Variants in L3MBTL4 observed in about 807,000 individuals in gnomAD.
L3MBTL4 encodes the protein L3MBTL histone methyl-lysine binding protein 4.
A neutral mutation model predicts 84.5 loss-of-function variants in L3MBTL4; 70 were observed. The ratio of observed to expected loss-of-function variants is 0.83; its 90% CI spans 0.68 to 1.01. L3MBTL4 has a LOEUF of 1.01. Ranked by LOEUF, L3MBTL4 falls within the 50% of genes least tolerant of loss-of-function variation. L3MBTL4 has a pLI of 0.00. For missense variants in L3MBTL4, 715 were observed against 754.8 expected (o/e 0.95, Z 0.62); for synonymous variants, 274 against 259.8 (o/e 1.05, Z -0.52).
chr18:6,036,649 GA>G (rs1398169436), intron 16 of L3MBTL4, among the ~76,000 whole-genome samples: 1 of 152,114 alleles, frequency 6.6e-6, no homozygotes, highest in African/African-American at 2.4e-5. Flanking sequence ...TCATTTGAAT[GA>G]GCCAAACTTT....
intron 13 of L3MBTL4, among the ~76,000 whole-genome samples, chr18:6,170,067 A>G (rs2043891028): frequency 6.6e-6 from 1 of 152,146 alleles, no homozygotes; most frequent in South Asian, 2.1e-4. Context: ...ATAATTATAA[A>G]TTCATGCGAT....
chr18:6,079,016 G>A (rs2057974778), intron 16 of L3MBTL4, among the ~76,000 whole-genome samples: 1 of 152,156 alleles, frequency 6.6e-6, no homozygotes, highest in Non-Finnish European at 1.5e-5. Context: ...GATCTGACAG[G>A]AGGCCGAGCT....
chr18:6,412,651 C>T (rs1343890367), intron 1 of L3MBTL4, among the ~76,000 whole-genome samples: 1 of 152,064 alleles, frequency 6.6e-6, no homozygotes, highest in African/African-American at 2.4e-5. Flanking sequence ...TCACCTCCTG[C>T]CTCTGCTCAG....
intron 16 of L3MBTL4, among the ~76,000 whole-genome samples, chr18:5,988,853 C>T (rs571391047): frequency 3.9e-4 from 59 of 152,258 alleles, no homozygotes; most frequent in Non-Finnish European, 7.6e-4. Flanking sequence ...TACAAGGTCC[C>T]TGTCACCAGG....
intron 13 of L3MBTL4, among the ~76,000 whole-genome samples, chr18:6,165,225 G>A (rs1429355781): frequency 7.9e-5 from 12 of 152,066 alleles, no homozygotes; most frequent in Non-Finnish European, 1.6e-4. Flanking sequence ...TGAAAGTGAC[G>A]GGGAGAATGG....
At chr18:6,043,514 T>C (rs1357273808) in intron 16 of L3MBTL4, among the ~76,000 whole-genome samples, 2 of 152,182 alleles carry the variant, frequency 1.3e-5, no homozygotes, top group African/African-American at 4.8e-5. Flanking sequence ...CCTCCAGCAA[T>C]TTCATCTCAA....
At chr18:6,246,702 G>C (rs1438568471) in intron 5 of L3MBTL4, among the ~76,000 whole-genome samples, 1 of 152,128 alleles carries the variant, frequency 6.6e-6, no homozygotes, top group Non-Finnish European at 1.5e-5. Flanking sequence ...TCAGGAGTTC[G>C]AGACCAGCCT....
At chr18:6,327,915 C>CGTTATG (rs1407575960) in intron 1 of L3MBTL4, among the ~76,000 whole-genome samples, 7 of 152,162 alleles carry the variant, frequency 4.6e-5, no homozygotes, top group Non-Finnish European at 7.3e-5. Context: ...CAAGTAACCA[C>CGTTATG]GTTATGTACT....
intron 16 of L3MBTL4, among the ~76,000 whole-genome samples, chr18:6,034,443 C>G (rs547249841): frequency 7.9e-5 from 12 of 152,254 alleles, no homozygotes; most frequent in African/African-American, 2.9e-4. Flanking sequence ...TGATGATTTG[C>G]AATTTCATCC....
chr18:6,218,151 G>A (rs974278381), intron 10 of L3MBTL4, among the ~76,000 whole-genome samples: 11 of 152,102 alleles, frequency 7.2e-5, no homozygotes, highest in African/African-American at 1.2e-4. Context: ...TAGGCTGCCC[G>A]GGCTGGAATG....
At chr18:6,189,256 C>A (rs982640783) in intron 12 of L3MBTL4, among the ~76,000 whole-genome samples, 3 of 152,174 alleles carry the variant, frequency 2.0e-5, no homozygotes, top group East Asian at 1.9e-4. Flanking sequence ...ATGACCCACT[C>A]ATGAAACCCA....
intron 12 of L3MBTL4, among the ~76,000 whole-genome samples, chr18:6,196,314 C>T (rs545790471): frequency 3.0e-4 from 45 of 152,176 alleles, no homozygotes; most frequent in Admixed American, 2.6e-3. Context: ...CCCGCCACCA[C>T]GCCCGTCTAA....
chr18:6,352,255 A>G (rs919377502), intron 1 of L3MBTL4, among the ~76,000 whole-genome samples: 2 of 152,088 alleles, frequency 1.3e-5, no homozygotes, highest in African/African-American at 4.8e-5. Flanking sequence ...TTTCACCTCA[A>G]AGTAATTACC....
At chr18:6,153,702 G>A (rs932246109) in intron 13 of L3MBTL4, among the ~76,000 whole-genome samples, 1 of 151,962 alleles carries the variant, frequency 6.6e-6, no homozygotes, top group Non-Finnish European at 1.5e-5. Flanking sequence ...GGATCATAAG[G>A]GTGGTTTTCC....
chr18:6,177,984 G>C (rs1386448247), intron 12 of L3MBTL4, among the ~76,000 whole-genome samples: 1 of 152,102 alleles, frequency 6.6e-6, no homozygotes, highest in Non-Finnish European at 1.5e-5. Context: ...AGCACAAACA[G>C]GACAGGACAA....
chr18:6,046,761 A>AT (rs2056639312), intron 16 of L3MBTL4: 3 of 774,970 alleles, frequency 3.9e-6, no homozygotes, highest in Non-Finnish European at 7.2e-6. Context: ...AGCACTGTGA[A>AT]GAGAAAAGTT....
intron 16 of L3MBTL4, among the ~76,000 whole-genome samples, chr18:6,071,683 G>GAAAAAGAA (rs1158717199): frequency 9.8e-6 from 1 of 102,218 alleles, no homozygotes; most frequent in African/African-American, 6.0e-5. Context: ...AAAAGAAAGA[G>GAAAAAGAA]AGAAAGAAAG....
At chr18:6,128,033 T>TGGCG (rs1555663008) in intron 14 of L3MBTL4, among the ~76,000 whole-genome samples, 1 of 92,070 alleles carries the variant, frequency 1.1e-5, no homozygotes, top group African/African-American at 4.5e-5. Context: ...AAATATTGGG[T>TGGCG]GGGGCGGGGG....
chr18:5,997,599 G>A (rs1459542015), intron 16 of L3MBTL4, among the ~76,000 whole-genome samples: 1 of 152,158 alleles, frequency 6.6e-6, no homozygotes, highest in Non-Finnish European at 1.5e-5. Context: ...TATCTAGCTG[G>A]AAGCCCCCTC....
Sources: allele counts gnomAD v4.1 joint callset (sites outside exome capture counted in the v4.1 genomes callset), GRCh38; gene constraint gnomAD v4.1.1; transcripts MANE v1.5; gene names NCBI Gene and HGNC (gene_info 2026-07-23, HGNC 2026-07-21).